LDB2: variants seen among roughly 807,000 people sequenced by gnomAD.
LDB2 encodes the protein LIM domain binding 2.
In LDB2, 12 loss-of-function variants were observed where a neutral mutation model predicts 44.3. That is an observed-to-expected ratio of 0.27 (90% CI 0.17 to 0.44). LDB2 has a LOEUF of 0.44. Ranked by LOEUF, LDB2 falls within the 20% of genes least tolerant of loss-of-function variation. The pLI is 1.00. For missense variants in LDB2, 344 were observed against 473.5 expected (o/e 0.73, Z 2.54); for synonymous variants, 164 against 174.8 (o/e 0.94, Z 0.49).
chr4:16,842,063 G>C (rs1196852758), intron 1 of LDB2, among the ~76,000 whole-genome samples: 1 of 152,134 alleles, frequency 6.6e-6, no homozygotes, highest in Non-Finnish European at 1.5e-5. Flanking sequence ...TGGCTTTGGT[G>C]AGCACATTTT....
At chr4:16,699,917 A>C (rs554475598) in intron 2 of LDB2, among the ~76,000 whole-genome samples, 22 of 152,200 alleles carry the variant, frequency 1.4e-4, no homozygotes, top group Non-Finnish European at 3.2e-4. Context: ...TTAGCAAATA[A>C]AAATCCAGAA....
At chr4:16,543,342 T>C (rs550453721) in intron 5 of LDB2, among the ~76,000 whole-genome samples, 9 of 152,292 alleles carry the variant, frequency 5.9e-5, no homozygotes, top group East Asian at 1.9e-4. Flanking sequence ...CTTGAGGAAT[T>C]GCCACACTGT....
At chr4:16,754,525 ATTT>A (rs1237200033) in intron 2 of LDB2, among the ~76,000 whole-genome samples, 5 of 140,914 alleles carry the variant, frequency 3.5e-5, no homozygotes, top group Admixed American at 7.2e-5. Flanking sequence ...TGATGGCAGT[ATTT>A]TTTTTTTTTT....
chr4:16,546,180 A>G (rs1248395993), intron 5 of LDB2, among the ~76,000 whole-genome samples: 3 of 152,210 alleles, frequency 2.0e-5, no homozygotes, highest in Middle Eastern at 3.2e-3. Context: ...ATGCACTGCT[A>G]TTTCACCATT....
chr4:16,739,503 T>C (rs1762515262), intron 2 of LDB2, among the ~76,000 whole-genome samples: 2 of 144,148 alleles, frequency 1.4e-5, no homozygotes, highest in African/African-American at 5.1e-5. Context: ...CAAGAATCAC[T>C]TGAACCCGGG....
At chr4:16,778,151 C>A (rs1046762376) in intron 1 of LDB2, among the ~76,000 whole-genome samples, 16 of 152,148 alleles carry the variant, frequency 1.1e-4, no homozygotes, top group African/African-American at 3.6e-4. Flanking sequence ...GGCAAAGAGG[C>A]CTTCTCCATG....
chr4:16,694,000 C>G (rs114446807), intron 2 of LDB2, among the ~76,000 whole-genome samples: 4 of 152,150 alleles, frequency 2.6e-5, no homozygotes, highest in African/African-American at 7.2e-5. Flanking sequence ...TGTTGTCGCT[C>G]CTCCTGGTTG....
At chr4:16,509,865 T>C (rs779936642) in intron 6 of LDB2, among the ~76,000 whole-genome samples, 1 of 152,126 alleles carries the variant, frequency 6.6e-6, no homozygotes. Context: ...GCAATAATCC[T>C]AGCATTTTGG....
At chr4:16,586,529 ACAC>A (rs1235609645) in intron 4 of LDB2, among the ~76,000 whole-genome samples, 2 of 62,720 alleles carry the variant, frequency 3.2e-5, no homozygotes, top group African/African-American at 6.0e-5. Context: ...CACACACAAA[ACAC>A]ACACACACAC....
At chr4:16,829,331 A>C (rs943529657) in intron 1 of LDB2, among the ~76,000 whole-genome samples, 1 of 152,202 alleles carries the variant, frequency 6.6e-6, no homozygotes, top group African/African-American at 2.4e-5. Context: ...AGAATTAGGC[A>C]AAGTTCCCAA....
At chr4:16,835,133 T>C (rs1186692357) in intron 1 of LDB2, among the ~76,000 whole-genome samples, 1 of 152,220 alleles carries the variant, frequency 6.6e-6, no homozygotes, top group Non-Finnish European at 1.5e-5. Flanking sequence ...GGCCTTAATT[T>C]CATAAATCAA....
rs1358286264 is a variant in LDB2, at chr4:16,739,691, T to A, written c.235+19467A>T. 2.1e-5 allele frequency among the ~76,000 whole-genome samples: 2 copies of A among 96,010 alleles called. 1 individual carries two copies. Among genetic ancestry groups the A allele is most frequent in the Non-Finnish European group, 4.1e-5 (2 of 48,840 alleles). 63.0% of individuals were successfully genotyped at this position (96,010 alleles called of 152,430 possible). On this transcript the variant is annotated intron_variant, in intron 2 of 7. Transcript: ENST00000304523. Reference sequence around the variant, plus strand: ...ATATACATATGTGTGTATATATGTATATATACATATATGTGTATATATGTA... The same window carrying A: ...ATATACATATGTGTGTATATATGTAAATATACATATATGTGTATATATGTA...
intron 1 of LDB2, among the ~76,000 whole-genome samples, chr4:16,857,687 A>T (rs1003965351): frequency 1.3e-5 from 2 of 152,080 alleles, no homozygotes; most frequent in Non-Finnish European, 2.9e-5. Flanking sequence ...CTTTGCCTGG[A>T]TGCTCTTCCT....
intron 2 of LDB2, among the ~76,000 whole-genome samples, chr4:16,632,521 C>T (rs1474979097): frequency 6.6e-6 from 1 of 152,160 alleles, no homozygotes; most frequent in Non-Finnish European, 1.5e-5. Context: ...AAAACCAGCA[C>T]AAGACGAGGA....
chr4:16,867,399 A>G (rs16894110), intron 1 of LDB2, among the ~76,000 whole-genome samples: 43,510 of 152,094 alleles, frequency 0.29, 6,841 homozygotes, highest in East Asian at 0.68. Flanking sequence ...GGCCCTGCTC[A>G]GGGCACTAGA....
intron 1 of LDB2, among the ~76,000 whole-genome samples, chr4:16,874,820 T>C (rs73799335): frequency 0.098 from 14,863 of 152,242 alleles, 2,283 homozygotes; most frequent in African/African-American, 0.33. Flanking sequence ...TGAGTGTAAG[T>C]CTTAGTAATA....
intron 2 of LDB2, among the ~76,000 whole-genome samples, chr4:16,704,984 G>C (rs1321198142): frequency 6.6e-6 from 1 of 152,074 alleles, no homozygotes; most frequent in Non-Finnish European, 1.5e-5. Context: ...TGATGCATGA[G>C]GATCTTTGGC....
chr4:16,863,656 CT>C (rs143950913), intron 1 of LDB2, among the ~76,000 whole-genome samples: 446 of 91,888 alleles, frequency 4.9e-3, no homozygotes, highest in Middle Eastern at 0.011. Flanking sequence ...CTCACATTCT[CT>C]TTTTTTTTTT....
chr4:16,825,374 A>G (rs1782861020), intron 1 of LDB2, among the ~76,000 whole-genome samples: 1 of 152,194 alleles, frequency 6.6e-6, no homozygotes, highest in African/African-American at 2.4e-5. Flanking sequence ...GAGAATGAGG[A>G]ATACTTGAAG....
Sources: allele counts gnomAD v4.1 joint callset (sites outside exome capture counted in the v4.1 genomes callset), GRCh38; gene constraint gnomAD v4.1.1; transcripts MANE v1.5; gene names NCBI Gene and HGNC (gene_info 2026-07-23, HGNC 2026-07-21).